Variants in NEXN observed in about 807,000 individuals in gnomAD.
NEXN encodes the protein nexilin F-actin binding protein, also known as nexilin.
Under a neutral mutation model 92.6 loss-of-function variants are expected in NEXN, and 65 were observed. The ratio of observed to expected loss-of-function variants is 0.70; its 90% CI spans 0.57 to 0.86. The LOEUF (loss-of-function observed/expected upper bound fraction) is 0.86, where lower values mean the gene tolerates loss of function less well. NEXN is among the 40% of genes least tolerant of loss of function. NEXN has a pLI of 0.00. For synonymous variants in NEXN, 254 were observed against 242.5 expected (o/e 1.05, Z -0.44); for missense variants, 778 against 771.1 (o/e 1.01, Z -0.11).
At chr1:77,937,308 A>C (rs1650850538) in intron 11 of NEXN, among the ~76,000 whole-genome samples, 1 of 151,978 alleles carries the variant, frequency 6.6e-6, no homozygotes. Context: ...TGTCTCTAAC[A>C]CAATAAAGCA....
In NEXN at chr1:77,918,155, A is replaced by G. The variant is rs375653702; in HGVS notation, c.329A>G (p.Glu110Gly). 3.1e-6 allele frequency: 5 copies of G among 1,613,936 alleles called. No individual in the cohort carries two copies. The highest frequency in any genetic ancestry group is 4.2e-6 in the Non-Finnish European group (5 of 1,179,980). Residue 110 changes from glutamate to glycine, a missense_variant, in exon 5 of 13, where the codon GAG (glutamate) becomes GGG (glycine). Transcript: ENST00000334785. ...GTGAAGGGTAGATTTGCTGAAATGG[A>G]GAAACAAAGACAAGAGGAACAAAGG... ...GTVKGRFAEM[E>G]KQRQEEQRKR...
intron 1 of NEXN, among the ~76,000 whole-genome samples, chr1:77,912,000 AC>A (rs1458806995): frequency 1.3e-5 from 2 of 148,750 alleles, no homozygotes; most frequent in Non-Finnish European, 3.0e-5. Context: ...AATTGCTTGA[AC>A]CCGGGAGGCA....
intron 1 of NEXN, among the ~76,000 whole-genome samples, chr1:77,915,811 G>T (rs1459789038): frequency 6.6e-6 from 1 of 152,090 alleles, no homozygotes; most frequent in Non-Finnish European, 1.5e-5. Context: ...CTTTTCAAGT[G>T]AACTTAGTAT....
At chr1:77,924,396 G>A (rs773748070) in intron 5 of NEXN, among the ~76,000 whole-genome samples, 7 of 151,852 alleles carry the variant, frequency 4.6e-5, no homozygotes, top group Non-Finnish European at 1.0e-4. Flanking sequence ...ATCTTTCACT[G>A]CACTGTTATT....
At chr1:77,914,378 T>C (rs1257282392) in intron 1 of NEXN, among the ~76,000 whole-genome samples, 1 of 151,912 alleles carries the variant, frequency 6.6e-6, no homozygotes, top group Non-Finnish European at 1.5e-5. Flanking sequence ...GAAATCTCTA[T>C]CTTCTACTCA....
intron 8 of NEXN, 114 bp from the exon 9 acceptor site, chr1:77,929,202 T>G (rs1490941274): frequency 1.4e-6 from 1 of 708,430 alleles, no homozygotes; most frequent in East Asian, 2.6e-5. Context: ...TCAAGTATAT[T>G]AAGGGCATTG....
chr1:77,907,645 G>T (rs1443446644), intron 1 of NEXN, among the ~76,000 whole-genome samples: 1 of 151,734 alleles, frequency 6.6e-6, no homozygotes, highest in Non-Finnish European at 1.5e-5. Flanking sequence ...GATTTTAAGT[G>T]GTTTTATTCA....
At chr1:77,910,763 A>ACG (rs60445787) in intron 1 of NEXN, among the ~76,000 whole-genome samples, 2 of 7,786 alleles carry the variant, frequency 2.6e-4, no homozygotes, top group South Asian at 0.013. Context: ...AAAAAAAAAA[A>ACG]AAAAAAAACT....
At chr1:77,933,036 C>T (rs1650433943) in intron 9 of NEXN, 5 of 345,904 alleles carry the variant, frequency 1.4e-5, no homozygotes, top group African/African-American at 8.5e-5. Flanking sequence ...TGGCGCATGC[C>T]TGTAATCCCA....
intron 1 of NEXN, among the ~76,000 whole-genome samples, chr1:77,901,496 A>G (rs933463923): frequency 2.0e-5 from 3 of 152,200 alleles, no homozygotes; most frequent in Non-Finnish European, 4.4e-5. Flanking sequence ...CCAAACTCTT[A>G]GAACCACATG....
At chr1:77,916,395 T>C (rs144862345) in intron 2 of NEXN, among the ~76,000 whole-genome samples, 1 of 152,342 alleles carries the variant, frequency 6.6e-6, no homozygotes, top group East Asian at 1.9e-4. Context: ...GCTAGCATTC[T>C]GAGTAGAATT....
chr1:77,904,766 A>G (rs532467610), intron 1 of NEXN, among the ~76,000 whole-genome samples: 8 of 152,310 alleles, frequency 5.3e-5, no homozygotes, highest in African/African-American at 1.4e-4. Flanking sequence ...TTTCAATTCT[A>G]TAGTAGGCAT....
chr1:77,919,110 A>C (rs1410145840), intron 5 of NEXN, among the ~76,000 whole-genome samples: 1 of 152,180 alleles, frequency 6.6e-6, no homozygotes, highest in East Asian at 1.9e-4. Context: ...AGCGGTGGCA[A>C]GAGAAAATGA....
intron 10 of NEXN, among the ~76,000 whole-genome samples, chr1:77,934,027 T>TTTTTTTG (rs1650535247): frequency 6.7e-6 from 1 of 149,154 alleles, no homozygotes; most frequent in Non-Finnish European, 1.5e-5. Flanking sequence ...TTTTTTTTTT[T>TTTTTTTG]GAGATGGAGT....
Position 77,918,199 on chromosome 1 carries a change from C to T in NEXN, c.373C>T (p.Arg125Ter), listed in dbSNP as rs773500471. The T allele has an allele frequency of 1.1e-5, 17 of 1,613,426 alleles. No homozygotes were observed. Among genetic ancestry groups the T allele is most frequent in the Non-Finnish European group, 1.4e-5 (16 of 1,179,872 alleles). The change falls in exon 5 of 13, where the codon CGA becomes TGA. Residue 125 changes from arginine to a stop codon, truncating the protein, a stop_gained. Coordinates refer to ENST00000334785, the MANE Select transcript of NEXN (RefSeq NM_144573.4). LOFTEE classifies it high-confidence loss of function. The stretch of plus-strand genomic sequence containing the variant: ...ACAAAGGAAGAGAACGGAGGAGGAA[C>T]GAAAACGCAGAATTGAGCAGGATAT... The part of the protein sequence containing the change: ...EEQRKRTEEE[R>*]KRRIEQDMLE...
At chr1:77,938,589 C>CAA (rs11286873) in intron 11 of NEXN, among the ~76,000 whole-genome samples, 3 of 119,180 alleles carry the variant, frequency 2.5e-5, no homozygotes, top group Admixed American at 8.4e-5. Flanking sequence ...AAGACTGTCT[C>CAA]AAAAAAAAAA....
At chr1:77,890,054 G>T (rs960839975) in intron 1 of NEXN, among the ~76,000 whole-genome samples, 7 of 152,044 alleles carry the variant, frequency 4.6e-5, no homozygotes, top group African/African-American at 1.7e-4. Context: ...TGAGTTTGGG[G>T]TATTGTTAAG....
intron 2 of NEXN, among the ~76,000 whole-genome samples, chr1:77,916,373 G>A (rs1157779825): frequency 5.3e-5 from 8 of 152,174 alleles, no homozygotes; most frequent in Admixed American, 2.0e-4. Context: ...TGATAGTGAA[G>A]TGGATGTGAT....
chr1:77,941,985 A>G, intron 11 of NEXN, 38 bp from the exon 12 acceptor site: 2 of 1,594,848 alleles, frequency 1.3e-6, no homozygotes, highest in Non-Finnish European at 1.7e-6. Flanking sequence ...TGTTTTTAGA[A>G]GGCAAGCAAT....
Sources: allele counts gnomAD v4.1 joint callset (sites outside exome capture counted in the v4.1 genomes callset), GRCh38; gene constraint gnomAD v4.1.1; transcripts MANE v1.5; gene names NCBI Gene and HGNC (gene_info 2026-07-23, HGNC 2026-07-21).